Variants in SORL1 observed in about 807,000 individuals in gnomAD.
SORL1 encodes the protein sortilin related receptor 1.
SORL1 carries 127 observed loss-of-function variants against 273.7 expected under a neutral mutation model. The ratio of observed to expected loss-of-function variants is 0.46; its 90% CI spans 0.40 to 0.54. SORL1 has a LOEUF of 0.54. Among genes scored for constraint, SORL1 ranks in the 20% least tolerant of loss-of-function variants. The pLI, the probability that SORL1 is intolerant of heterozygous loss-of-function variation, is 0.00. For synonymous variants in SORL1, 1,031 were observed against 1,067.4 expected, an observed-to-expected ratio of 0.97 and a Z score of 0.66; for missense variants, 2,494 against 2,846.1, an observed-to-expected ratio of 0.88 and a Z score of 2.81.
Position 121,452,668 on chromosome 11 carries a change from TC to T in SORL1, c.285+54del. ...TCCAGTTTTTTCCTCTCCCTGCACTTCCTCACCCCCGCATCCATCCGTTGCA... is the reference window on the plus strand; with the variant it reads ...TCCAGTTTTTTCCTCTCCCTGCACTTCTCACCCCCGCATCCATCCGTTGCA... On this transcript the variant is annotated intron_variant, in intron 1 of 47. Transcript: ENST00000260197. The surrounding 1 kb of genome is among the most constrained non-coding windows in gnomAD (Gnocchi z 5.3). 1 of 1,378,764 alleles carries T rather than the reference TC, an allele frequency of 7.3e-7. No homozygotes were observed. The highest frequency in any genetic ancestry group is 9.4e-7 in the Non-Finnish European group (1 of 1,063,408). The allele number at this position is 1,378,764 out of a possible 1,614,324, so 85.4% of individuals were successfully genotyped here. A position where few individuals can be genotyped will look rare whatever the true frequency, so the allele number is the denominator to read the frequency against.
chr11:121,453,493 T>TA (rs1351636398), intron 1 of SORL1, among the ~76,000 whole-genome samples: 1 of 152,024 alleles, frequency 6.6e-6, no homozygotes, highest in Non-Finnish European at 1.5e-5. Flanking sequence ...GTCCTGCAGT[T>TA]AAGATTGACA....
At chr11:121,537,711 G>T (rs551822390) in intron 12 of SORL1, among the ~76,000 whole-genome samples, 56 of 152,240 alleles carry the variant, frequency 3.7e-4, no homozygotes, top group Non-Finnish European at 6.3e-4. Flanking sequence ...ATATCAAAAG[G>T]TGCTTCCATT....
intron 12 of SORL1, among the ~76,000 whole-genome samples, chr11:121,536,681 T>C (rs1443147119): frequency 2.0e-5 from 3 of 151,988 alleles, no homozygotes; most frequent in Non-Finnish European, 2.9e-5. Flanking sequence ...GTGTTGGGAT[T>C]ACAGGTGTCA....
chr11:121,545,145 A>C, intron 13 of SORL1, 98 bp from the exon 14 acceptor site: 1 of 1,103,518 alleles, frequency 9.1e-7, no homozygotes, highest in Non-Finnish European at 1.3e-6. Context: ...CAACAGATAG[A>C]CAGGAAGTGG....
At chr11:121,556,131 C>T (rs1046802451) in intron 18 of SORL1, among the ~76,000 whole-genome samples, 1 of 152,186 alleles carries the variant, frequency 6.6e-6, no homozygotes, top group Non-Finnish European at 1.5e-5. Context: ...GATGGAGATT[C>T]ATATATTCGC....
chr11:121,485,166 C>A (rs1186548803), intron 3 of SORL1, among the ~76,000 whole-genome samples: 1 of 151,984 alleles, frequency 6.6e-6, no homozygotes, highest in Non-Finnish European at 1.5e-5. Flanking sequence ...GTGGGGAGGA[C>A]CAAGGAGCCA....
At chr11:121,498,931 C>G (rs1172906828) in intron 6 of SORL1, among the ~76,000 whole-genome samples, 1 of 151,640 alleles carries the variant, frequency 6.6e-6, no homozygotes, top group Non-Finnish European at 1.5e-5. Context: ...CCATTCTAGT[C>G]TAACAGCTAT....
At chr11:121,504,257 C>A (rs1331103566) in intron 6 of SORL1, among the ~76,000 whole-genome samples, 1 of 152,078 alleles carries the variant, frequency 6.6e-6, no homozygotes, top group African/African-American at 2.4e-5. Context: ...ACTAAAAATA[C>A]AAAAATTAGC....
chr11:121,526,712 C>T lies in SORL1; in HGVS notation c.1596+3723C>T, dbSNP rs192469504. 1.5e-4 allele frequency among the ~76,000 whole-genome samples: 23 copies of T among 152,092 alleles called. 1 individual carries two copies. The highest frequency in any genetic ancestry group is 1.3e-3 in the Admixed American group (20 of 15,290). Reference sequence around the variant, plus strand: ...GGTATTTTAATTTTTTGTGGTATTACTGTAAATGGAATTTTATTTTCTAAT... The same window carrying T: ...GGTATTTTAATTTTTTGTGGTATTATTGTAAATGGAATTTTATTTTCTAAT... On this transcript the variant is annotated intron_variant, in intron 11 of 47. Transcript: ENST00000260197.
At chr11:121,516,819 C>T (rs1861961194) in intron 8 of SORL1, among the ~76,000 whole-genome samples, 1 of 152,002 alleles carries the variant, frequency 6.6e-6, no homozygotes, top group East Asian at 1.9e-4. Flanking sequence ...TTTGGGAGGC[C>T]AAGATGGGTA....
At chr11:121,513,262 G>A (rs1336434898) in intron 7 of SORL1, among the ~76,000 whole-genome samples, 158 bp downstream of exon 7, 1 of 152,226 alleles carries the variant, frequency 6.6e-6, no homozygotes, top group Non-Finnish European at 1.5e-5. Flanking sequence ...GGGCATCGTG[G>A]TCTGTGGTTC....
rs753326743 is a variant in SORL1, at chr11:121,611,085, C to T, written c.5249C>T (p.Pro1750Leu). 9.3e-6 allele frequency: 15 copies of T among 1,612,394 alleles called. No individual in the cohort carries two copies. In the Admixed American group the frequency reaches 2.3e-4, roughly 25 times the overall value. Residue 1750 changes from proline to leucine, a missense_variant, in exon 39 of 48, where the codon CCA becomes CTA. Pro to Leu is a moderately conservative substitution (Grantham distance 98). Around this residue, in one of 3 missense-constraint regions of SORL1, gnomAD observed 1,609 missense variants for 1,816.4 expected, o/e 0.89. Coordinates refer to ENST00000260197, the MANE Select transcript of SORL1 (RefSeq NM_003105.6). ...TCCTTTTTGTTTTCAGTGATCCCAC[C>T]ACCAGATATCCACATTGACAGCTAT... ...ITTIKGKVIP[P>L]PDIHIDSYGE...
At position 121,554,101 on chromosome 11, in the gene SORL1, G is replaced by T. The variant is rs752815831; in HGVS notation, c.2431G>T (p.Val811Phe). The T allele has an allele frequency of 6.2e-7, 1 of 1,613,634 alleles. No homozygotes were observed. The highest frequency in any genetic ancestry group is 1.7e-5 in the Admixed American group (1 of 59,976). The change falls in exon 17 of 48, where the codon GTC becomes TTC. Residue 811 changes from valine (V) to phenylalanine (F), a missense_variant. By Grantham distance (50) the Val-to-Phe change is conservative. Around this residue, in one of 3 missense-constraint regions of SORL1, gnomAD observed 710 missense variants for 882.5 expected, o/e 0.80. Coordinates refer to ENST00000260197, the MANE Select transcript of SORL1 (RefSeq NM_003105.6). The surrounding 1 kb of genome is among the most constrained non-coding windows in gnomAD (Gnocchi z 4.6). ...GTATTGGTCCGACCTGGCCTTGGAC[G>T]TCATCCAGGTGAGTCAGCGCTTGGT... Reference protein sequence around the residue: ...CLYWSDLALDVIQRLCLNGST... With the variant: ...CLYWSDLALDFIQRLCLNGST...
intron 14 of SORL1, 142 bp downstream of exon 14, chr11:121,545,571 T>G: frequency 1.3e-6 from 1 of 760,974 alleles, no homozygotes; most frequent in South Asian, 1.8e-5. Flanking sequence ...ATCTTTTATG[T>G]GCCAGGAACT....
intron 1 of SORL1, among the ~76,000 whole-genome samples, chr11:121,468,168 G>C (rs1437806434): frequency 6.6e-6 from 1 of 152,140 alleles, no homozygotes; most frequent in Non-Finnish European, 1.5e-5. Context: ...TTCTGCCGCA[G>C]AGCCTTGATG....
chr11:121,513,213 T>G, intron 7 of SORL1, 109 bp downstream of exon 7: 2 of 809,384 alleles, frequency 2.5e-6, no homozygotes, highest in Non-Finnish European at 4.3e-6. Flanking sequence ...TTATGGCGCC[T>G]CCCTGAAGTC....
At chr11:121,466,860 C>T (rs1861089391) in intron 1 of SORL1, among the ~76,000 whole-genome samples, 1 of 151,998 alleles carries the variant, frequency 6.6e-6, no homozygotes, top group Non-Finnish European at 1.5e-5. Flanking sequence ...CAAGTCATTT[C>T]TTGCCAGGGA....
Position 121,627,676 on chromosome 11 carries a change from C to T in SORL1, c.6486C>T (p.His2162=). ...GGTTTGCCATCCTGTACACGAAGCA[C>T]CGGAGGCTGCAGAGCAGCTTCACCG... The part of the protein sequence containing the change: ...GVGFAILYTK[H]RRLQSSFTAF... Residue 2162 remains histidine (H), a synonymous_variant, in exon 47 of 48, where the codon CAC becomes CAT. Coordinates refer to ENST00000260197, the MANE Select transcript of SORL1 (RefSeq NM_003105.6). This position sits in a 1 kb window ranked among gnomAD's most constrained non-coding sequence, Gnocchi z 4.9. 1 of 1,614,186 alleles carries T rather than the reference C, an allele frequency of 6.2e-7. No individual in the cohort carries two copies. The highest frequency in any genetic ancestry group is 8.5e-7 in the Non-Finnish European group (1 of 1,180,020).
chr11:121,584,387 T>A (rs1287955822), intron 26 of SORL1, among the ~76,000 whole-genome samples: 5 of 152,230 alleles, frequency 3.3e-5, no homozygotes, highest in African/African-American at 1.2e-4. Context: ...TTTAAAATAC[T>A]TTTTCTACCT....
Sources: gnomAD v4.1 joint callset for allele counts (sites outside exome capture counted in the v4.1 genomes callset) on GRCh38, gnomAD v4.1.1 for gene constraint, gnomAD v4.1.1 regional missense constraint, Gnocchi (gnomAD v3.1) non-coding constraint, MANE v1.5 for transcripts, NCBI Gene and HGNC (gene_info 2026-07-23, HGNC 2026-07-21) for gene names.